Variants in SLC34A1 observed in about 807,000 individuals in gnomAD.
SLC34A1 encodes sodium-dependent phosphate transport protein 2A.
SLC34A1 carries 57 observed loss-of-function variants against 51.4 expected under a neutral mutation model. That is an observed-to-expected ratio of 1.11 (90% CI 0.90 to 1.38). The LOEUF (loss-of-function observed/expected upper bound fraction) is 1.38. Among genes scored for constraint, SLC34A1 ranks in the 40% most tolerant of loss-of-function variants. SLC34A1 has a pLI of 0.00. For synonymous variants in SLC34A1, 368 were observed against 358.0 expected (o/e 1.03, Z -0.32); for missense variants, 796 against 835.6 (o/e 0.95, Z 0.58).
chr5:177,394,072 G>A lies in SLC34A1; in HGVS notation c.1051G>A (p.Gly351Arg). Residue 351 changes from glycine to arginine, a missense_variant, in exon 10 of 13, where the codon GGG (glycine) becomes AGG (arginine). Coordinates refer to ENST00000324417, the MANE Select transcript of SLC34A1 (RefSeq NM_003052.5). ...VDTGLPDLAV[G>R]LILLAGSLVL... is the part of the protein sequence containing the mutation. ...CACTGGCCTACCGGACCTGGCTGTG[G>A]GGCTCATCCTGCTGGCAGGATCCCT... 1 of 1,614,068 alleles carries A rather than the reference G, an allele frequency of 6.2e-7. No individual in the cohort carries two copies. The highest frequency in any genetic ancestry group is 8.5e-7 in the Non-Finnish European group (1 of 1,180,032).
At chr5:177,390,020 T>C in intron 8 of SLC34A1, 1 of 1,309,732 alleles carries the variant, frequency 7.6e-7, no homozygotes, top group Middle Eastern at 3.0e-4. Context: ...CCCGAAGGAG[T>C]GTGACTCACA....
In SLC34A1 at chr5:177,386,027, C is replaced by T. The variant is rs1022135738; in HGVS notation, c.150C>T (p.Pro50=). Residue 50 remains proline, a synonymous_variant, in exon 3 of 13, where the codon CCC becomes CCT. Transcript: ENST00000324417. This position sits in a 1 kb window ranked among gnomAD's most constrained non-coding sequence, Gnocchi z 4.8. Reference sequence around the variant, plus strand: ...CGGGGACCTCTGCCTATGCCTTCCCCAGCCTGGGCCCTGTGGCCCTTGCTG... The same window carrying T: ...CGGGGACCTCTGCCTATGCCTTCCCTAGCCTGGGCCCTGTGGCCCTTGCTG... ...RIPGTSAYAF[P]SLGPVALAEH... 1.9e-6 allele frequency: 3 copies of T among 1,609,220 alleles called. No homozygotes were observed. The highest frequency in any genetic ancestry group is 2.5e-6 in the Non-Finnish European group (3 of 1,177,230).
At position 177,398,281 on chromosome 5, in the gene SLC34A1, C is replaced by T. The variant is rs1461244956; in HGVS notation, c.1915C>T (p.Leu639Phe). 14 of 1,599,494 alleles carry T rather than the reference C, an allele frequency of 8.8e-6. No individual in the cohort carries two copies. The highest frequency in any genetic ancestry group is 1.2e-5 in the Non-Finnish European group (14 of 1,179,946). ...GCCTGCTCACCACAATGCCACCCGC[C>T]TCTAGGCTGTGGGCCCAGACTACAG... is the stretch of plus-strand genomic sequence containing the variant. ...ALPAHHNATR[L>F] Residue 639 changes from leucine (L) to phenylalanine (F), a missense_variant, in exon 13 of 13, where the codon CTC becomes TTC. Physicochemically the swap from Leu to Phe is conservative, Grantham distance 22 (BLOSUM62 0). Transcript: ENST00000324417. The surrounding 1 kb of genome is among the most constrained non-coding windows in gnomAD (Gnocchi z 4.7).
In SLC34A1 at chr5:177,398,056, C is replaced by T. The variant is rs146096892; in HGVS notation, c.1690C>T (p.Arg564Trp). Reference sequence around the variant, plus strand: ...GGTGCTCATCAATGTCCTGCAGAGTCGGAGTCCCGGGCACCTGCCCAAGTG... The same window carrying T: ...GGTGCTCATCAATGTCCTGCAGAGTTGGAGTCCCGGGCACCTGCCCAAGTG... ...FVVLINVLQS[R>W]SPGHLPKWLQ... Residue 564 changes from arginine to tryptophan, a missense_variant, in exon 13 of 13, where the codon CGG becomes TGG. Transcript: ENST00000324417. This position sits in a 1 kb window ranked among gnomAD's most constrained non-coding sequence, Gnocchi z 4.7. 3.2e-5 allele frequency: 52 copies of T among 1,613,850 alleles called. No individual in the cohort carries two copies. The Admixed American group carries it at 4.5e-4, about 14-fold the overall frequency.
intron 9 of SLC34A1, 70 bp from the exon 10 acceptor site, chr5:177,393,958 A>G: frequency 1.3e-6 from 2 of 1,598,984 alleles, no homozygotes; most frequent in Non-Finnish European, 8.6e-7. Context: ...TCAGAGCCCA[A>G]CTGGGTGGCA....
At position 177,388,550 on chromosome 5, in the gene SLC34A1, G is replaced by A. The variant is rs191562241; in HGVS notation, c.936+178G>A. On this transcript the variant is annotated intron_variant, in intron 8 of 12. Coordinates refer to ENST00000324417, the MANE Select transcript of SLC34A1 (RefSeq NM_003052.5). This position sits in a 1 kb window ranked among gnomAD's most constrained non-coding sequence, Gnocchi z 4.3. ...CTAATTCCTCCCAACTTCCCACATC[G>A]CCTTAGGCAGACATCACCAATCAAT... Among the ~76,000 whole-genome samples, 3 of 152,064 alleles carry A rather than the reference G, an allele frequency of 2.0e-5. No homozygotes were observed. Among genetic ancestry groups the A allele is most frequent in the African/African-American group, 2.4e-5 (1 of 41,464 alleles).
chr5:177,387,172 C>CTCGTG (rs1762608171), intron 5 of SLC34A1, among the ~76,000 whole-genome samples: 1 of 151,408 alleles, frequency 6.6e-6, no homozygotes, highest in Non-Finnish European at 1.5e-5. Context: ...AGATCGAGAC[C>CTCGTG]ACCCTGGCTA....
rs111405040 is a variant in SLC34A1 at position 177,390,871 on chromosome 5, C to T, written c.936+2499C>T. 1.8e-3 allele frequency among the ~76,000 whole-genome samples: 277 copies of T among 152,262 alleles called. 1 individual carries two copies. Among genetic ancestry groups the T allele is most frequent in the African/African-American group, 6.5e-3 (272 of 41,546 alleles). On this transcript the variant is annotated intron_variant, in intron 8 of 12. Transcript: ENST00000324417. ...GTCCCTATAGGCACTTAAATCCCAA[C>T]TCCCTCTTCCAAAATGCTTCCAACT... is the stretch of plus-strand genomic sequence containing the variant.
chr5:177,384,982 C>T (rs975240594), intron 1 of SLC34A1, among the ~76,000 whole-genome samples: 3 of 152,190 alleles, frequency 2.0e-5, no homozygotes, highest in African/African-American at 7.2e-5. Flanking sequence ...CAGGGCACTC[C>T]ACCCCAATAG....
chr5:177,394,171 G>A lies in SLC34A1; in HGVS notation c.1150G>A (p.Val384Ile), dbSNP rs533288233. 10 of 1,613,922 alleles carry A rather than the reference G, an allele frequency of 6.2e-6. No individual in the cohort carries two copies. In the Admixed American group the frequency reaches 1.3e-4, roughly 22 times the overall value. ...CCTGCTCAAGGGCCAAGTGGCCAAG[G>A]TCATCCAGAAGGTCATCAATACGGG... ...NSLLKGQVAK[V>I]IQKVINTDFP... is the part of the protein sequence containing the mutation. Residue 384 changes from valine (V) to isoleucine (I), a missense_variant, in exon 10 of 13, where the codon GTC (valine) becomes ATC (isoleucine). By Grantham distance (29) the Val-to-Ile change is conservative. Coordinates refer to ENST00000324417, the MANE Select transcript of SLC34A1 (RefSeq NM_003052.5).
Position 177,396,970 on chromosome 5 carries a change from G to A in SLC34A1, c.1312G>A (p.Glu438Lys), listed in dbSNP as rs554566423. The change falls in exon 12 of 13, where the codon GAG (glutamate) becomes AAG (lysine). Residue 438 changes from glutamate to lysine, a missense_variant. Glu to Lys is a moderately conservative substitution (Grantham distance 56). Transcript: ENST00000324417. This position sits in a 1 kb window ranked among gnomAD's most constrained non-coding sequence, Gnocchi z 4.0. ...CCCAGGTCTTGGTGTGATCAGCATTGAGAGGGCCTACCCGCTCACACTGGG... is the reference window on the plus strand; with the variant it reads ...CCCAGGTCTTGGTGTGATCAGCATTAAGAGGGCCTACCCGCTCACACTGGG... ...PLIGLGVISI[E>K]RAYPLTLGSN... The A allele has an allele frequency of 2.5e-6, 4 of 1,614,176 alleles. No individual in the cohort carries two copies. Among genetic ancestry groups the A allele is most frequent in the Non-Finnish European group, 3.4e-6 (4 of 1,180,022 alleles).
intron 10 of SLC34A1, 80 bp downstream of exon 10, chr5:177,394,275 C>G: frequency 7.0e-7 from 1 of 1,437,220 alleles, no homozygotes; most frequent in East Asian, 2.3e-5. Flanking sequence ...CTGCCTTGAT[C>G]TGGGTAAACC....
chr5:177,393,854 G>A (rs1762880264), intron 9 of SLC34A1, 91 bp downstream of exon 9: 1 of 1,505,748 alleles, frequency 6.6e-7, no homozygotes, highest in Non-Finnish European at 9.2e-7. Context: ...ATTGTGTCCA[G>A]CCCCAGGAAG....
At chr5:177,393,029 G>C (rs572716089) in intron 8 of SLC34A1, among the ~76,000 whole-genome samples, 1 of 152,320 alleles carries the variant, frequency 6.6e-6, no homozygotes, top group South Asian at 2.1e-4. Flanking sequence ...CAGGAGCTGA[G>C]TAGCTACTGC....
In SLC34A1 at chr5:177,388,557, G is replaced by A. The variant is rs542770800; in HGVS notation, c.936+185G>A. ...CTCCCAACTTCCCACATCGCCTTAG[G>A]CAGACATCACCAATCAATTAAAGTT... On this transcript the variant is annotated intron_variant, in intron 8 of 12. Transcript: ENST00000324417. This position sits in a 1 kb window ranked among gnomAD's most constrained non-coding sequence, Gnocchi z 4.3. Among the ~76,000 whole-genome samples, 15 of 152,126 alleles carry A rather than the reference G, an allele frequency of 9.9e-5. No individual in the cohort carries two copies. Among genetic ancestry groups the A allele is most frequent in the African/African-American group, 2.7e-4 (11 of 41,488 alleles).
At chr5:177,397,251 C>T in intron 12 of SLC34A1, 177 bp downstream of exon 12, 3 of 691,336 alleles carry the variant, frequency 4.3e-6, no homozygotes, top group Non-Finnish European at 7.2e-6. Flanking sequence ...GAGACCTTAG[C>T]ATCTAATAGG....
At chr5:177,385,944 C>T (rs781577300) in intron 2 of SLC34A1, 43 bp from the exon 3 acceptor site, 7 of 1,610,412 alleles carry the variant, frequency 4.3e-6, no homozygotes, top group Admixed American at 3.3e-5. Flanking sequence ...CCCCGCCTCC[C>T]CACTTTGGGG....
chr5:177,394,195 G>T lies in SLC34A1; in HGVS notation c.1174G>T (p.Asp392Tyr), dbSNP rs370148384. 64 of 1,613,788 alleles carry T rather than the reference G, an allele frequency of 4.0e-5. No homozygotes were observed. Among genetic ancestry groups the T allele is most frequent in the Non-Finnish European group, 5.3e-5 (63 of 1,180,020 alleles). ...GGTCATCCAGAAGGTCATCAATACG[G>T]GTGAGCTGCGAGCAGTTGACTGGGC... Reference protein sequence around the residue: ...AKVIQKVINTDFPAPFTWVTG... With the variant: ...AKVIQKVINTYFPAPFTWVTG... The change falls in exon 10 of 13, where the codon GAC (aspartate) becomes TAC (tyrosine). Residue 392 changes from aspartate to tyrosine, a missense_variant and splice_region_variant. By Grantham distance (160) the Asp-to-Tyr change is radical (BLOSUM62 -3). Coordinates refer to ENST00000324417, the MANE Select transcript of SLC34A1 (RefSeq NM_003052.5).
chr5:177,389,356 TTCC>T (rs1762719355), intron 8 of SLC34A1, among the ~76,000 whole-genome samples: 1 of 150,938 alleles, frequency 6.6e-6, no homozygotes, highest in African/African-American at 2.4e-5. Flanking sequence ...GCCCTTCCCC[TTCC>T]CCTTCCCCTT....
Sources: gnomAD v4.1 joint callset for allele counts (sites outside exome capture counted in the v4.1 genomes callset) on GRCh38, gnomAD v4.1.1 for gene constraint, Gnocchi (gnomAD v3.1) non-coding constraint, MANE v1.5 for transcripts, NCBI Gene and HGNC (gene_info 2026-07-23, HGNC 2026-07-21) for gene names.